Variants in ADAP1 observed in about 807,000 individuals in gnomAD.
ADAP1 encodes arf-GAP with dual PH domain-containing protein 1.
Under a neutral mutation model 54.9 loss-of-function variants are expected in ADAP1, and 31 were observed. That is an observed-to-expected ratio of 0.56 (90% CI 0.42 to 0.76). ADAP1 has a LOEUF of 0.76. Among genes scored for constraint, ADAP1 ranks in the 30% least tolerant of loss-of-function variants. The pLI is 0.00. For synonymous variants in ADAP1, 313 were observed against 202.6 expected (o/e 1.55, Z -4.63); for missense variants, 535 against 512.4 (o/e 1.04, Z -0.42).
intron 2 of ADAP1, chr7:927,642 G>A (rs184226789): frequency 2.5e-5 from 9 of 362,990 alleles, no homozygotes; most frequent in South Asian, 3.9e-5. Context: ...TTTAAAATTC[G>A]AAAACCAATG....
intron 6 of ADAP1, among the ~76,000 whole-genome samples, chr7:903,016 G>A (rs539200309): frequency 1.4e-4 from 21 of 152,284 alleles, no homozygotes; most frequent in Non-Finnish European, 2.5e-4. Flanking sequence ...AAACGAGAAA[G>A]ACGTAGGACC....
rs1226764355 is a variant in ADAP1, at chr7:945,880, A to G, written c.82+8516T>C. 1.5e-5 allele frequency: 15 copies of G among 968,546 alleles called. No individual in the cohort carries two copies. The highest frequency in any genetic ancestry group is 1.8e-5 in the Non-Finnish European group (15 of 814,754). The allele number at this position is 968,546 out of a possible 1,614,324, so 60.0% of individuals were successfully genotyped here. ...CCAGGTGGGGCAGGCGTGTCCCCCAAGCCAAGGCCCAGGCTGGGGCACGGG... is the reference window on the plus strand; with the variant it reads ...CCAGGTGGGGCAGGCGTGTCCCCCAGGCCAAGGCCCAGGCTGGGGCACGGG... On this transcript the variant is annotated intron_variant, in intron 1 of 10. Transcript: ENST00000265846. The surrounding 1 kb of genome is among the most constrained non-coding windows in gnomAD (Gnocchi z 4.2).
chr7:899,018 G>A lies in ADAP1; in HGVS notation c.1096+15C>T, dbSNP rs200952842. ...TGGGAGCCCTTCCAGGCCGCCGGCC[G>A]CCCGCCCCCCTCACCTGCGTACTCC... On this transcript the variant is annotated intron_variant, in intron 10 of 10. Coordinates refer to ENST00000265846, the MANE Select transcript of ADAP1 (RefSeq NM_006869.4). 47 of 1,609,272 alleles carry A rather than the reference G, an allele frequency of 2.9e-5. No homozygotes were observed. The highest frequency in any genetic ancestry group is 5.0e-5 in the Admixed American group (3 of 59,930).
At position 954,659 on chromosome 7, in the gene ADAP1, CCG is replaced by C; in HGVS notation, c.-184_-183del. Reference sequence around the variant, plus strand: ...GGCTCCGCCGCCGCCGCTCGTGTCTCCGCCGCGGTCGCTGAGCGAGTGCCGGC... The same window carrying C: ...GGCTCCGCCGCCGCCGCTCGTGTCTCCCGCGGTCGCTGAGCGAGTGCCGGC... On this transcript the variant is annotated 5_prime_UTR_variant, in exon 1 of 11. Coordinates refer to ENST00000265846, the MANE Select transcript of ADAP1 (RefSeq NM_006869.4). 1.0e-6 allele frequency: 1 copy of C among 982,574 alleles called. No individual in the cohort carries two copies. Among genetic ancestry groups the C allele is most frequent in the Non-Finnish European group, 1.2e-6 (1 of 829,308 alleles). The allele number at this position is 982,574 out of a possible 1,614,324, so 60.9% of individuals were successfully genotyped here. A position where few individuals can be genotyped will look rare whatever the true frequency, so the allele number is the denominator to read the frequency against.
At chr7:931,186 C>T (rs1846566218) in intron 2 of ADAP1, among the ~76,000 whole-genome samples, 1 of 151,942 alleles carries the variant, frequency 6.6e-6, no homozygotes, top group Non-Finnish European at 1.5e-5. Flanking sequence ...CCACACAGAC[C>T]CCTGGCTGCC....
At position 926,654 on chromosome 7, in the gene ADAP1, A is replaced by T; in HGVS notation, c.214-10T>A. 3.9e-6 allele frequency: 6 copies of T among 1,538,294 alleles called. No homozygotes were observed. The highest frequency in any genetic ancestry group is 5.3e-6 in the Non-Finnish European group (6 of 1,141,828). On this transcript the variant is annotated splice_polypyrimidine_tract_variant and intron_variant, in intron 2 of 10. Coordinates refer to ENST00000265846, the MANE Select transcript of ADAP1 (RefSeq NM_006869.4). This position sits in a 1 kb window ranked among gnomAD's most constrained non-coding sequence, Gnocchi z 4.6. Reference sequence around the variant, plus strand: ...CGTGGGAGGCCATGAACTGCAAGAGAGGAGGGGCCGGGTCAGAGGCCTGGG... The same window carrying T: ...CGTGGGAGGCCATGAACTGCAAGAGTGGAGGGGCCGGGTCAGAGGCCTGGG...
intron 1 of ADAP1, among the ~76,000 whole-genome samples, chr7:940,862 A>G (rs1846922177): frequency 6.6e-6 from 1 of 151,220 alleles, no homozygotes; most frequent in African/African-American, 2.4e-5. Context: ...ACAGGTTAAA[A>G]AAGAAAAAAC....
At chr7:900,695 C>T in intron 6 of ADAP1, 79 bp from the exon 7 acceptor site, 1 of 1,245,630 alleles carries the variant, frequency 8.0e-7, no homozygotes, top group Non-Finnish European at 1.1e-6. Context: ...GGGGTCCCCA[C>T]AGAGGGGCCG....
In ADAP1 at chr7:920,644, C is replaced by T. The variant is rs1455013982; in HGVS notation, c.306-594G>A. On this transcript the variant is annotated intron_variant, in intron 3 of 10. Transcript: ENST00000265846. This position sits in a 1 kb window ranked among gnomAD's most constrained non-coding sequence, Gnocchi z 4.5. ...ATCAGGAGAAACTACCGGCAAATAC[C>T]CAAGAATCCAGGAAGACCCGGGATG... 5 of 721,294 alleles carry T rather than the reference C, an allele frequency of 6.9e-6. No homozygotes were observed. The highest frequency in any genetic ancestry group is 1.8e-5 in the African/African-American group (1 of 55,928). The allele number at this position is 721,294 out of a possible 1,614,324, so 44.7% of individuals were successfully genotyped here. A position where few individuals can be genotyped will look rare whatever the true frequency, so the allele number is the denominator to read the frequency against.
intron 5 of ADAP1, 116 bp downstream of exon 5, chr7:904,944 G>GT (rs1023652582): frequency 1.2e-6 from 1 of 837,002 alleles, no homozygotes; most frequent in Non-Finnish European, 1.9e-6. Flanking sequence ...CGTCCCCATC[G>GT]GGGGGGGCAG....
chr7:906,867 G>A (rs1845483653), intron 4 of ADAP1, among the ~76,000 whole-genome samples: 1 of 151,500 alleles, frequency 6.6e-6, no homozygotes, highest in Non-Finnish European at 1.5e-5. Flanking sequence ...CAGTGGACCA[G>A]CGCTGTTGGC....
intron 2 of ADAP1, chr7:927,411 C>G: frequency 2.0e-6 from 1 of 501,786 alleles, no homozygotes; most frequent in Non-Finnish European, 3.9e-6. Context: ...ACGCCAGCCC[C>G]GAGGGCATGG....
intron 1 of ADAP1, among the ~76,000 whole-genome samples, chr7:936,174 C>T (rs1160113629): frequency 2.0e-5 from 3 of 152,108 alleles, no homozygotes; most frequent in African/African-American, 7.2e-5. Flanking sequence ...CACAGTGGCT[C>T]AGGCCCGTAA....
At chr7:902,129 C>G (rs1231283734) in intron 6 of ADAP1, among the ~76,000 whole-genome samples, 4 of 151,238 alleles carry the variant, frequency 2.6e-5, no homozygotes, top group Admixed American at 6.6e-5. Flanking sequence ...GGACACCAGC[C>G]TGACCAACAT....
intron 1 of ADAP1, among the ~76,000 whole-genome samples, chr7:948,093 G>A (rs542642520): frequency 6.0e-5 from 9 of 150,876 alleles, no homozygotes; most frequent in East Asian, 5.9e-4. Flanking sequence ...GCCACCCCAC[G>A]GCCTGCCCTG....
intron 1 of ADAP1, among the ~76,000 whole-genome samples, chr7:951,212 AAAAT>A (rs1183302433): frequency 6.6e-6 from 1 of 151,878 alleles, no homozygotes; most frequent in East Asian, 1.9e-4. Context: ...ATCTCTACTA[AAAAT>A]ACAAAAATTA....
chr7:953,805 CG>C (rs1440158215), intron 1 of ADAP1, among the ~76,000 whole-genome samples: 1 of 152,246 alleles, frequency 6.6e-6, no homozygotes, highest in Non-Finnish European at 1.5e-5. Flanking sequence ...AACGGGCGGG[CG>C]GCGGGTGGAC....
chr7:906,731 GGGGGACAGAGTACATAGGGGACATGGACA>G (rs1845442613), intron 4 of ADAP1, among the ~76,000 whole-genome samples: 2 of 29,266 alleles, frequency 6.8e-5, no homozygotes, highest in Non-Finnish European at 1.3e-4. Flanking sequence ...GACGGGACAT[GGGGGACAGAGTACATAGGGGACATGGACA>G]GGGGACATGG....
intron 8 of ADAP1, among the ~76,000 whole-genome samples, chr7:899,817 T>C (rs944403731): frequency 7.9e-5 from 12 of 151,812 alleles, no homozygotes; most frequent in Non-Finnish European, 1.6e-4. Context: ...CCTCCCACAT[T>C]ATGCCTCAGG....
Sources: gnomAD v4.1 joint callset for allele counts (sites outside exome capture counted in the v4.1 genomes callset) on GRCh38, gnomAD v4.1.1 for gene constraint, Gnocchi (gnomAD v3.1) non-coding constraint, MANE v1.5 for transcripts, NCBI Gene and HGNC (gene_info 2026-07-23, HGNC 2026-07-21) for gene names.